RHBDL3: variants seen among roughly 807,000 people sequenced by gnomAD.
The protein encoded by RHBDL3 is rhomboid like 3, also known as rhomboid-related protein 3.
In RHBDL3, 28 loss-of-function variants were observed where a neutral mutation model predicts 48.2. The ratio of observed to expected loss-of-function variants is 0.58; its 90% CI spans 0.43 to 0.80. RHBDL3 has a LOEUF of 0.80. Among genes scored for constraint, RHBDL3 ranks in the 30% least tolerant of loss-of-function variants. The pLI, the probability that RHBDL3 is intolerant of heterozygous loss-of-function variation, is 0.00. For missense variants in RHBDL3, 464 were observed against 542.7 expected, an observed-to-expected ratio of 0.85 and a Z score of 1.44; for synonymous variants, 208 against 232.3, an observed-to-expected ratio of 0.90 and a Z score of 0.95.
At chr17:32,320,251 G>A (rs2041091583) in intron 8 of RHBDL3, among the ~76,000 whole-genome samples, 1 of 152,168 alleles carries the variant, frequency 6.6e-6, no homozygotes, top group Non-Finnish European at 1.5e-5. Flanking sequence ...CCCGCCTAGA[G>A]TGAGACCTGT....
chr17:32,289,009 T>A lies in RHBDL3; in HGVS notation c.512T>A (p.Leu171Gln). Reference sequence around the variant, plus strand: ...CCCTGGTTCATGATCACAGTCACGCTGCTGGAGGCAAGGACAAGGGTGGGG... The same window carrying A: ...CCCTGGTTCATGATCACAGTCACGCAGCTGGAGGCAAGGACAAGGGTGGGG... The part of the protein sequence containing the change: ...PPPWFMITVT[L>Q]LEVAFFLYNG... The change falls in exon 4 of 9, where the codon CTG becomes CAG. Residue 171 changes from leucine (L) to glutamine (Q), a missense_variant. Transcript: ENST00000269051. 1 of 1,613,950 alleles carries A rather than the reference T, an allele frequency of 6.2e-7. No homozygotes were observed. The highest frequency in any genetic ancestry group is 8.5e-7 in the Non-Finnish European group (1 of 1,179,864).
Position 32,321,278 on chromosome 17 carries a change from G to A in RHBDL3, c.*49G>A. The A allele has an allele frequency of 6.2e-7, 1 of 1,612,014 alleles. No individual in the cohort carries two copies. Among genetic ancestry groups the A allele is most frequent in the Non-Finnish European group, 8.5e-7 (1 of 1,179,624 alleles). On this transcript the variant is annotated 3_prime_UTR_variant, in exon 9 of 9. Transcript: ENST00000269051. Reference sequence around the variant, plus strand: ...AGGGGAGGGAAAAGCAGCACCCACAGGGAGCGCCTGCGAGGTTTCTTCTCA... The same window carrying A: ...AGGGGAGGGAAAAGCAGCACCCACAAGGAGCGCCTGCGAGGTTTCTTCTCA...
Position 32,321,537 on chromosome 17 carries a change from G to A in RHBDL3, c.*308G>A, listed in dbSNP as rs777986388. The A allele has an allele frequency of 9.2e-6, 5 of 545,944 alleles. No homozygotes were observed. The highest frequency in any genetic ancestry group is 1.6e-5 in the Non-Finnish European group (5 of 313,238). 33.8% of individuals were successfully genotyped at this position (545,944 alleles called of 1,614,324 possible). On this transcript the variant is annotated 3_prime_UTR_variant, in exon 9 of 9. Coordinates refer to ENST00000269051, the MANE Select transcript of RHBDL3 (RefSeq NM_138328.3). ...CACCTGGGCTGGGCTTCTTCCATGGGGCCAGGGGGTGCCCCCTCACTGCTG... is the reference window on the plus strand; with the variant it reads ...CACCTGGGCTGGGCTTCTTCCATGGAGCCAGGGGGTGCCCCCTCACTGCTG...
chr17:32,267,657 C>CGG, intron 1 of RHBDL3: 1 of 333,046 alleles, frequency 3.0e-6, no homozygotes, highest in South Asian at 5.1e-5. Flanking sequence ...CCCACCTTGC[C>CGG]GCCCCCGCCC....
chr17:32,318,012 C>A (rs548909158), intron 8 of RHBDL3, among the ~76,000 whole-genome samples: 1 of 150,106 alleles, frequency 6.7e-6, no homozygotes, highest in Admixed American at 6.7e-5. Flanking sequence ...AGTTTAAGAC[C>A]AGCCTTGGCA....
At chr17:32,270,162 C>T (rs1340105963) in intron 2 of RHBDL3, among the ~76,000 whole-genome samples, 1 of 139,598 alleles carries the variant, frequency 7.2e-6, no homozygotes, top group Admixed American at 7.1e-5. Context: ...AAAAAAGAAG[C>T]AAGCAACCCT....
intron 2 of RHBDL3, among the ~76,000 whole-genome samples, chr17:32,269,656 G>A (rs1207114097): frequency 2.6e-5 from 4 of 152,214 alleles, no homozygotes; most frequent in African/African-American, 9.6e-5. Flanking sequence ...GCAGGAGGGA[G>A]CCCGCTGCGC....
At chr17:32,302,619 G>A (rs986201612) in intron 6 of RHBDL3, among the ~76,000 whole-genome samples, 4 of 152,016 alleles carry the variant, frequency 2.6e-5, no homozygotes, top group Admixed American at 1.3e-4. Flanking sequence ...GACCTCAGGT[G>A]ATCTGCCTGC....
At chr17:32,302,280 A>G (rs182806267) in intron 6 of RHBDL3, among the ~76,000 whole-genome samples, 1 of 152,172 alleles carries the variant, frequency 6.6e-6, no homozygotes, top group East Asian at 1.9e-4. Context: ...ACACAGCCCC[A>G]TGTTTGTCTT....
intron 8 of RHBDL3, among the ~76,000 whole-genome samples, chr17:32,317,305 T>C (rs1391280614): frequency 6.6e-6 from 1 of 152,248 alleles, no homozygotes; most frequent in Non-Finnish European, 1.5e-5. Context: ...AGATCCCTTG[T>C]TGAAAGTCCA....
At chr17:32,317,933 G>A (rs2041014782) in intron 8 of RHBDL3, among the ~76,000 whole-genome samples, 1 of 152,058 alleles carries the variant, frequency 6.6e-6, no homozygotes, top group South Asian at 2.1e-4. Flanking sequence ...TAGGGGTCGG[G>A]CAGTGTGGCT....
intron 5 of RHBDL3, among the ~76,000 whole-genome samples, chr17:32,297,062 G>C (rs1340481283): frequency 3.3e-5 from 5 of 151,672 alleles, no homozygotes; most frequent in Non-Finnish European, 7.4e-5. Flanking sequence ...CGCTGGCCAG[G>C]CTGGTCTCGA....
At chr17:32,276,062 C>T (rs949975574) in intron 2 of RHBDL3, among the ~76,000 whole-genome samples, 6 of 152,126 alleles carry the variant, frequency 3.9e-5, no homozygotes, top group African/African-American at 1.4e-4. Flanking sequence ...CTCTGAGTAC[C>T]TCAATTTTTG....
intron 7 of RHBDL3, among the ~76,000 whole-genome samples, chr17:32,312,859 G>A (rs1043485285): frequency 2.0e-5 from 3 of 152,052 alleles, no homozygotes; most frequent in African/African-American, 7.2e-5. Context: ...GTCCAGGCCA[G>A]AGTGTGCTGG....
At chr17:32,309,623 G>C (rs2040792982) in intron 7 of RHBDL3, among the ~76,000 whole-genome samples, 1 of 152,078 alleles carries the variant, frequency 6.6e-6, no homozygotes, top group African/African-American at 2.4e-5. Flanking sequence ...CATCTTAATA[G>C]CTATGAGTCT....
chr17:32,279,577 G>A (rs2039994176), intron 2 of RHBDL3, among the ~76,000 whole-genome samples: 2 of 152,208 alleles, frequency 1.3e-5, no homozygotes, highest in Non-Finnish European at 2.9e-5. Context: ...GGAATTGCCT[G>A]CTGTGATCCC....
chr17:32,299,423 C>T (rs1381597309), intron 6 of RHBDL3, among the ~76,000 whole-genome samples: 1 of 152,192 alleles, frequency 6.6e-6, no homozygotes, highest in African/African-American at 2.4e-5. Context: ...ATCCAAGGCT[C>T]ACCACGTCCT....
At chr17:32,304,845 C>T (rs2040670597) in intron 6 of RHBDL3, among the ~76,000 whole-genome samples, 1 of 152,148 alleles carries the variant, frequency 6.6e-6, no homozygotes, top group Admixed American at 6.6e-5. Flanking sequence ...AGGCAGGGCT[C>T]TGTGGCTCAC....
chr17:32,285,283 A>G (rs999030804), intron 3 of RHBDL3, among the ~76,000 whole-genome samples: 2 of 152,190 alleles, frequency 1.3e-5, no homozygotes, highest in Admixed American at 1.3e-4. Context: ...TAGGATGGGT[A>G]GATTGCGTTA....
Sources: allele counts gnomAD v4.1 joint callset (sites outside exome capture counted in the v4.1 genomes callset), GRCh38; gene constraint gnomAD v4.1.1; transcripts MANE v1.5; gene names NCBI Gene and HGNC (gene_info 2026-07-23, HGNC 2026-07-21).